The following PDE6C variants were observed in gnomAD, a reference collection of about 807,000 sequenced individuals.
PDE6C encodes the protein cone cGMP-specific 3',5'-cyclic phosphodiesterase subunit alpha'.
In PDE6C, 75 loss-of-function variants were observed where a neutral mutation model predicts 113.1. The observed-to-expected ratio is 0.66, with a 90% CI of 0.55 to 0.80. The LOEUF is 0.80. Among genes scored for constraint, PDE6C ranks in the 30% least tolerant of loss-of-function variants. PDE6C has a pLI of 0.00. For missense variants in PDE6C, 912 were observed against 1,038.6 expected, an observed-to-expected ratio of 0.88 and a Z score of 1.67; for synonymous variants, 375 against 363.7, an observed-to-expected ratio of 1.03 and a Z score of -0.35.
intron 14 of PDE6C, 90 bp from the exon 15 acceptor site, chr10:93,645,870 G>T: frequency 1.3e-6 from 1 of 767,456 alleles, no homozygotes; most frequent in African/African-American, 1.7e-5. Flanking sequence ...TGAGGAGGGA[G>T]AAGAGAGACA....
intron 5 of PDE6C, 129 bp from the exon 6 acceptor site, chr10:93,626,511 T>C (rs2765828): frequency 0.35 from 226,894 of 645,520 alleles, 40,849 homozygotes; most frequent in East Asian, 0.47. Flanking sequence ...TTTGATAATT[T>C]ATGTTATAAT....
Position 93,612,849 on chromosome 10 carries a change from G to A in PDE6C, c.124G>A (p.Val42Met), listed in dbSNP as rs774245507. 9.3e-6 allele frequency: 15 copies of A among 1,614,046 alleles called. No individual in the cohort carries two copies. In the Admixed American group the frequency reaches 1.7e-4, roughly 18 times the overall value. The change falls in exon 1 of 22, where the codon GTG becomes ATG. Residue 42 changes from valine to methionine, a missense_variant. By Grantham distance (21) the Val-to-Met change is conservative. Transcript: ENST00000371447. ...VLGEIFKNSQ[V>M]PVQSSMSFSE... ...GGGAGAAATCTTCAAGAACAGCCAGGTGCCAGTCCAGTCCAGCATGTCCTT... is the reference window on the plus strand; with the variant it reads ...GGGAGAAATCTTCAAGAACAGCCAGATGCCAGTCCAGTCCAGCATGTCCTT...
chr10:93,626,941 C>T, intron 7 of PDE6C, 70 bp downstream of exon 7: 1 of 1,365,028 alleles, frequency 7.3e-7, no homozygotes. Context: ...GAGATAGATA[C>T]AATTGTGAAA....
chr10:93,653,848 A>G (rs1389680170), intron 15 of PDE6C, among the ~76,000 whole-genome samples: 1 of 152,198 alleles, frequency 6.6e-6, no homozygotes, highest in Non-Finnish European at 1.5e-5. Context: ...TTACTTATAT[A>G]TGCTTTGTAA....
intron 9 of PDE6C, 59 bp from the exon 10 acceptor site, chr10:93,635,438 C>T (rs1270925024): frequency 7.1e-7 from 1 of 1,398,932 alleles, no homozygotes; most frequent in African/African-American, 1.4e-5. Context: ...CAGATTGTTG[C>T]CTCCAAACCA....
intron 4 of PDE6C, among the ~76,000 whole-genome samples, chr10:93,623,674 A>C (rs1331426920): frequency 6.6e-6 from 1 of 152,140 alleles, no homozygotes; most frequent in Non-Finnish European, 1.5e-5. Context: ...CTTTTTTTAC[A>C]TGTAGATGTT....
intron 11 of PDE6C, among the ~76,000 whole-genome samples, chr10:93,638,989 G>C (rs1589699318): frequency 6.6e-6 from 1 of 152,170 alleles, no homozygotes; most frequent in Non-Finnish European, 1.5e-5. Flanking sequence ...TTACTAAGGG[G>C]AGTGACCTCC....
chr10:93,654,802 C>CT (rs1554891587), intron 15 of PDE6C, among the ~76,000 whole-genome samples: 4 of 82,646 alleles, frequency 4.8e-5, no homozygotes, highest in African/African-American at 1.9e-4. Context: ...TTCTTTCTTT[C>CT]TTTCTTTCTT....
At position 93,641,052 on chromosome 10, in the gene PDE6C, T is replaced by C. The variant is rs371820387; in HGVS notation, c.1847+23T>C. ...GAAGTAAGTGAACACATGTCCAATGTTGACACGTATTGGTGGACATTGGAA... is the reference window on the plus strand; with the variant it reads ...GAAGTAAGTGAACACATGTCCAATGCTGACACGTATTGGTGGACATTGGAA... On this transcript the variant is annotated intron_variant, in intron 14 of 21. Transcript: ENST00000371447. 5 of 1,324,908 alleles carry C rather than the reference T, an allele frequency of 3.8e-6. No homozygotes were observed. The African/African-American group carries it at 4.3e-5, about 11-fold the overall frequency. The allele number at this position is 1,324,908 out of a possible 1,614,324, so 82.1% of individuals were successfully genotyped here.
At chr10:93,637,399 T>C (rs1384450235) in intron 11 of PDE6C, among the ~76,000 whole-genome samples, 1 of 152,150 alleles carries the variant, frequency 6.6e-6, no homozygotes, top group East Asian at 1.9e-4. Flanking sequence ...ACAGAGAACA[T>C]GACAGAGTTA....
chr10:93,613,354 G>T (rs1234664702), intron 1 of PDE6C, 149 bp downstream of exon 1: 54 of 1,082,888 alleles, frequency 5.0e-5, no homozygotes, highest in Non-Finnish European at 7.3e-5. Context: ...CAGGCCTAGT[G>T]TTGCCAAATT....
At chr10:93,616,957 T>G (rs1428767375) in intron 1 of PDE6C, among the ~76,000 whole-genome samples, 1 of 152,158 alleles carries the variant, frequency 6.6e-6, no homozygotes, top group Non-Finnish European at 1.5e-5. Flanking sequence ...CTGAGAGATA[T>G]CCTCTTTAAG....
intron 11 of PDE6C, among the ~76,000 whole-genome samples, 167 bp from the exon 12 acceptor site, chr10:93,639,903 C>G (rs1313568722): frequency 6.6e-6 from 1 of 152,178 alleles, no homozygotes; most frequent in African/African-American, 2.4e-5. Flanking sequence ...CTGCCGTTAG[C>G]ATAATCTGTG....
intron 15 of PDE6C, among the ~76,000 whole-genome samples, chr10:93,647,538 C>T (rs2058590610): frequency 6.6e-6 from 1 of 152,202 alleles, no homozygotes; most frequent in South Asian, 2.1e-4. Flanking sequence ...CCATCCCAGA[C>T]CTGCTGTGGC....
chr10:93,658,866 G>A (rs775674096), intron 16 of PDE6C, 35 bp from the exon 17 acceptor site: 2 of 1,238,096 alleles, frequency 1.6e-6, no homozygotes, highest in South Asian at 2.4e-5. Flanking sequence ...CTTTTCATAA[G>A]CTAAAATTGT....
chr10:93,634,709 T>G, intron 8 of PDE6C, 49 bp from the exon 9 acceptor site: 12 of 1,602,196 alleles, frequency 7.5e-6, no homozygotes, highest in African/African-American at 1.3e-5. Context: ...TATGATTATT[T>G]CAAACTAAAA....
At chr10:93,642,285 A>G (rs1015001238) in intron 14 of PDE6C, among the ~76,000 whole-genome samples, 7 of 152,188 alleles carry the variant, frequency 4.6e-5, no homozygotes, top group African/African-American at 1.7e-4. Context: ...AATTGTTTGA[A>G]CCCAGGAGGC....
chr10:93,616,745 C>A (rs1366958364), intron 1 of PDE6C, among the ~76,000 whole-genome samples: 3 of 151,180 alleles, frequency 2.0e-5, no homozygotes, highest in Non-Finnish European at 4.4e-5. Flanking sequence ...CCTCTGCCTC[C>A]CAAGTTAGAG....
intron 4 of PDE6C, among the ~76,000 whole-genome samples, chr10:93,625,138 C>A (rs539408212): frequency 6.6e-6 from 1 of 152,122 alleles, no homozygotes; most frequent in East Asian, 1.9e-4. Flanking sequence ...ATACTCAAAT[C>A]GCATCAGGTT....
Sources: allele counts gnomAD v4.1 joint callset (sites outside exome capture counted in the v4.1 genomes callset), GRCh38; gene constraint gnomAD v4.1.1; transcripts MANE v1.5; gene names NCBI Gene and HGNC (gene_info 2026-07-23, HGNC 2026-07-21).